LOXL2: variants seen among roughly 807,000 people sequenced by gnomAD.
LOXL2 encodes the protein lysyl oxidase homolog 2.
LOXL2 carries 70 observed loss-of-function variants against 93.0 expected under a neutral mutation model. That is an observed-to-expected ratio of 0.75 (90% CI 0.62 to 0.92). LOXL2 has a LOEUF of 0.92. LOXL2 is among the 40% of genes least tolerant of loss of function. The probability of loss-of-function intolerance (pLI) is 0.00; values close to 1 mark genes in which losing one functional copy is unlikely to be tolerated. For synonymous variants in LOXL2, 438 were observed against 413.2 expected (o/e 1.06, Z -0.73); for missense variants, 973 against 1,054.9 (o/e 0.92, Z 1.08).
chr8:23,339,467 G>T (rs1803845877), intron 4 of LOXL2, among the ~76,000 whole-genome samples: 1 of 152,214 alleles, frequency 6.6e-6, no homozygotes, highest in African/African-American at 2.4e-5. Flanking sequence ...CCAGGGCCCA[G>T]CTGCCGAAAC....
chr8:23,309,026 C>A (rs1803278948), intron 10 of LOXL2, among the ~76,000 whole-genome samples: 1 of 150,716 alleles, frequency 6.6e-6, no homozygotes, highest in Non-Finnish European at 1.5e-5. Flanking sequence ...GCTCTGTCGC[C>A]TATGCTGGAG....
In LOXL2 at chr8:23,333,385, C is replaced by T. The variant is rs1046805986; in HGVS notation, c.966+16G>A. Reference sequence around the variant, plus strand: ...CTCCAGGTGCCAAGTGGCCACACCTCGTGCCCCGTCCTCACCTCTGGCTTG... The same window carrying T: ...CTCCAGGTGCCAAGTGGCCACACCTTGTGCCCCGTCCTCACCTCTGGCTTG... On this transcript the variant is annotated intron_variant, in intron 5 of 13. Transcript: ENST00000389131. 9.9e-6 allele frequency: 16 copies of T among 1,611,746 alleles called. No individual in the cohort carries two copies. In the African/African-American group the frequency reaches 1.6e-4, roughly 16 times the overall value.
At chr8:23,403,283 G>C (rs575627102) in intron 1 of LOXL2, among the ~76,000 whole-genome samples, 2 of 152,318 alleles carry the variant, frequency 1.3e-5, no homozygotes, top group Non-Finnish European at 2.9e-5. Flanking sequence ...AGGCGGGAGA[G>C]GGTCCCTGGT....
intron 10 of LOXL2, among the ~76,000 whole-genome samples, chr8:23,307,953 G>A (rs1429361825): frequency 6.0e-5 from 5 of 83,552 alleles, no homozygotes; most frequent in Non-Finnish European, 6.4e-5. Flanking sequence ...GCTGCGATAT[G>A]AAAAAAAAAA....
chr8:23,316,913 G>A (rs1220249063), intron 9 of LOXL2, 36 bp downstream of exon 9: 6 of 1,536,562 alleles, frequency 3.9e-6, no homozygotes, highest in East Asian at 2.3e-5. Flanking sequence ...TGGTCCCCTT[G>A]GGAGCCCGGT....
rs111389466 is a variant in LOXL2, at chr8:23,333,205, C to T, written c.966+196G>A. ...ACAGCGCACCAACAGCCTGTGACAA[C>T]TGATGCTGGGGTATTCTTCTCCCCC... On this transcript the variant is annotated intron_variant, in intron 5 of 13. Transcript: ENST00000389131. 6.0e-4 allele frequency among the ~76,000 whole-genome samples: 91 copies of T among 152,292 alleles called. 2 individuals carry two copies. Among genetic ancestry groups the T allele is most frequent in the Middle Eastern group, 3.4e-3 (1 of 294 alleles).
intron 1 of LOXL2, among the ~76,000 whole-genome samples, chr8:23,377,860 TACA>T (rs1452828041): frequency 1.3e-5 from 2 of 152,202 alleles, no homozygotes; most frequent in African/African-American, 4.8e-5. Flanking sequence ...GTCTCCTGAA[TACA>T]GCACACTGAT....
intron 9 of LOXL2, among the ~76,000 whole-genome samples, chr8:23,313,258 G>A (rs1388272438): frequency 6.6e-6 from 1 of 152,086 alleles, no homozygotes; most frequent in African/African-American, 2.4e-5. Flanking sequence ...TCCCCATCAA[G>A]CTACCAATGA....
At chr8:23,307,734 C>T (rs1048171813) in intron 10 of LOXL2, among the ~76,000 whole-genome samples, 4 of 152,252 alleles carry the variant, frequency 2.6e-5, no homozygotes, top group Admixed American at 1.3e-4. Flanking sequence ...GCACCAAAAC[C>T]GTCATGACTT....
chr8:23,347,739 C>G (rs1278102266), intron 3 of LOXL2, among the ~76,000 whole-genome samples: 2 of 151,936 alleles, frequency 1.3e-5, no homozygotes, highest in Admixed American at 1.3e-4. Flanking sequence ...GAAACTGAAG[C>G]AGGAGGATAG....
At chr8:23,347,424 A>G (rs1484674672) in intron 3 of LOXL2, among the ~76,000 whole-genome samples, 1 of 151,630 alleles carries the variant, frequency 6.6e-6, no homozygotes, top group Non-Finnish European at 1.5e-5. Context: ...TTGGGAGGCC[A>G]AGGTGGGCAG....
intron 7 of LOXL2, chr8:23,321,613 G>A (rs1205979165): frequency 6.3e-6 from 1 of 157,526 alleles, no homozygotes; most frequent in East Asian, 1.9e-4. Context: ...GAGGATGCCA[G>A]GGAAGGTCAA....
chr8:23,388,029 C>T (rs1431246441), intron 1 of LOXL2, among the ~76,000 whole-genome samples: 1 of 152,158 alleles, frequency 6.6e-6, no homozygotes. Flanking sequence ...AAAGATCATG[C>T]TTCTTAAGTT....
chr8:23,344,259 C>T lies in LOXL2; in HGVS notation c.532-3056G>A, dbSNP rs1486464687. On this transcript the variant is annotated intron_variant, in intron 3 of 13. Transcript: ENST00000389131. The stretch of plus-strand genomic sequence containing the variant: ...AGCCCCGGGGGCTCCACGATGAAGG[C>T]AATGCAGCCTGGAGAAGAGAAAGGG... 9.9e-5 allele frequency among the ~76,000 whole-genome samples: 15 copies of T among 152,210 alleles called. 1 individual carries two copies. The highest frequency in any genetic ancestry group is 9.2e-4 in the Admixed American group (14 of 15,290).
At chr8:23,301,893 C>T in intron 12 of LOXL2, 134 bp downstream of exon 12, 2 of 1,101,130 alleles carry the variant, frequency 1.8e-6, no homozygotes, top group Non-Finnish European at 2.6e-6. Context: ...CCGTGATGGC[C>T]TCTGGGGGTA....
At chr8:23,319,232 G>A (rs549426762) in intron 8 of LOXL2, among the ~76,000 whole-genome samples, 13 of 149,504 alleles carry the variant, frequency 8.7e-5, no homozygotes, top group South Asian at 2.1e-4. Flanking sequence ...GTGGGAATGC[G>A]TCGGGATTAG....
At chr8:23,330,626 T>C (rs1343209494) in intron 5 of LOXL2, among the ~76,000 whole-genome samples, 3 of 152,178 alleles carry the variant, frequency 2.0e-5, no homozygotes, top group Non-Finnish European at 4.4e-5. Flanking sequence ...ACGCTCGCTC[T>C]GTTTTAATTG....
At chr8:23,398,480 A>G (rs1330605870) in intron 1 of LOXL2, among the ~76,000 whole-genome samples, 1 of 152,226 alleles carries the variant, frequency 6.6e-6, no homozygotes, top group Non-Finnish European at 1.5e-5. Context: ...AAAGCCCTGG[A>G]CAAGAAGAAC....
intron 3 of LOXL2, among the ~76,000 whole-genome samples, chr8:23,357,148 C>A (rs1804214608): frequency 6.6e-6 from 1 of 151,990 alleles, no homozygotes; most frequent in African/African-American, 2.4e-5. Context: ...CGGCTCACTG[C>A]AACCTCCGCC....
Sources: gnomAD v4.1 joint callset for allele counts (sites outside exome capture counted in the v4.1 genomes callset) on GRCh38, gnomAD v4.1.1 for gene constraint, MANE v1.5 for transcripts, NCBI Gene and HGNC (gene_info 2026-07-23, HGNC 2026-07-21) for gene names.